The following KCND2 variants were observed in gnomAD, a reference collection of about 807,000 sequenced individuals.
KCND2 encodes A-type voltage-gated potassium channel KCND2.
A neutral mutation model predicts 54.4 loss-of-function variants in KCND2; 16 were observed. That is an observed-to-expected ratio of 0.29 (90% CI 0.20 to 0.45). KCND2 has a LOEUF of 0.45. Ranked by LOEUF, KCND2 falls within the 20% of genes least tolerant of loss-of-function variation. KCND2 has a pLI of 1.00. For missense variants in KCND2, 486 were observed against 824.2 expected (o/e 0.59, Z 5.02); for synonymous variants, 317 against 310.7 (o/e 1.02, Z -0.21).
intron 1 of KCND2, among the ~76,000 whole-genome samples, chr7:120,520,371 T>G (rs1791673771): frequency 6.6e-6 from 1 of 152,134 alleles, no homozygotes; most frequent in Admixed American, 6.6e-5. Flanking sequence ...CGATATTCAT[T>G]GACTTCTGCA....
intron 1 of KCND2, among the ~76,000 whole-genome samples, chr7:120,384,043 C>T (rs73432000): frequency 0.073 from 11,083 of 152,098 alleles, 686 homozygotes; most frequent in African/African-American, 0.16. Context: ...GCTCAGGTCC[C>T]TGATATAATA....
At chr7:120,686,431 GC>G (rs1316320797) in intron 1 of KCND2, among the ~76,000 whole-genome samples, 1 of 152,168 alleles carries the variant, frequency 6.6e-6, no homozygotes, top group Non-Finnish European at 1.5e-5. Context: ...ACTGTTAGCA[GC>G]AGCAAATCCA....
intron 1 of KCND2, among the ~76,000 whole-genome samples, chr7:120,684,622 G>C (rs1562908804): frequency 6.6e-6 from 1 of 152,046 alleles, no homozygotes; most frequent in African/African-American, 2.4e-5. Context: ...GTTTACAGCA[G>C]GGCTCCTCGA....
At chr7:120,337,012 CT>C (rs201757779) in intron 1 of KCND2, among the ~76,000 whole-genome samples, 4 of 151,026 alleles carry the variant, frequency 2.6e-5, no homozygotes, top group South Asian at 2.1e-4. Context: ...TTTTGTTTGG[CT>C]TTTTTTTTCT....
rs966476777 is a variant in KCND2, at chr7:120,678,372, T to C, written c.1116-54531T>C. On this transcript the variant is annotated intron_variant, in intron 1 of 5. Transcript: ENST00000331113. ...ATATATATATATATATATATATATA[T>C]ACGCACACACACATATATAGACACA... Among the ~76,000 whole-genome samples, 47 of 133,498 alleles carry C rather than the reference T, an allele frequency of 3.5e-4. 1 individual carries two copies. In the East Asian group the frequency reaches 5.8e-3, roughly 17 times the overall value. The allele number at this position is 133,498 out of a possible 152,430, so 87.6% of individuals were successfully genotyped here.
intron 1 of KCND2, among the ~76,000 whole-genome samples, chr7:120,450,439 A>G (rs1802085799): frequency 6.6e-6 from 1 of 152,090 alleles, no homozygotes; most frequent in Non-Finnish European, 1.5e-5. Flanking sequence ...TTTGTATTAC[A>G]TGGGGTGATG....
chr7:120,386,388 T>TC (rs1308631571), intron 1 of KCND2, among the ~76,000 whole-genome samples: 1 of 152,056 alleles, frequency 6.6e-6, no homozygotes, highest in Non-Finnish European at 1.5e-5. Flanking sequence ...TCTTGCCTCT[T>TC]CCCCCTCAAT....
intron 1 of KCND2, among the ~76,000 whole-genome samples, chr7:120,465,966 C>G (rs1802362107): frequency 6.6e-6 from 1 of 151,794 alleles, no homozygotes; most frequent in Non-Finnish European, 1.5e-5. Context: ...AGGGTAGATC[C>G]ACTAGAGAAG....
chr7:120,632,796 A>G (rs1207141655), intron 1 of KCND2, among the ~76,000 whole-genome samples: 1 of 152,174 alleles, frequency 6.6e-6, no homozygotes, highest in African/African-American at 2.4e-5. Context: ...GCTGGAGTTA[A>G]AATCTTGCTC....
intron 1 of KCND2, among the ~76,000 whole-genome samples, chr7:120,622,664 T>TACACACAC (rs138167439): frequency 6.0e-4 from 81 of 134,966 alleles, no homozygotes; most frequent in African/African-American, 1.6e-3. Flanking sequence ...TCCTTTTCCT[T>TACACACAC]ACACACACAC....
chr7:120,569,209 T>G (rs1442014799), intron 1 of KCND2, among the ~76,000 whole-genome samples: 2 of 152,096 alleles, frequency 1.3e-5, no homozygotes, highest in Non-Finnish European at 2.9e-5. Context: ...GTCATCTTCC[T>G]CGGCACAGTG....
chr7:120,422,627 C>T (rs554388428), intron 1 of KCND2, among the ~76,000 whole-genome samples: 1 of 152,316 alleles, frequency 6.6e-6, no homozygotes, highest in East Asian at 1.9e-4. Flanking sequence ...GACTCTACCT[C>T]TTCTTTCACA....
rs143786043 is a variant in KCND2 at position 120,542,008 on chromosome 7, C to T, written c.1116-190895C>T. Among the ~76,000 whole-genome samples the T allele has an allele frequency of 8.3e-3, 1,263 of 152,142 alleles. 14 individuals are homozygous for T. The highest frequency in any genetic ancestry group is 0.029 in the African/African-American group (1,200 of 41,512). On this transcript the variant is annotated intron_variant, in intron 1 of 5. Coordinates refer to ENST00000331113, the MANE Select transcript of KCND2 (RefSeq NM_012281.3). ...GTCATTTATTGATTTAATGTTTCTA[C>T]GACCTATTTTATTAAATATTTTTAA...
chr7:120,677,554 TAG>T (rs1359880122), intron 1 of KCND2, among the ~76,000 whole-genome samples: 197 of 100,594 alleles, frequency 2.0e-3, no homozygotes, highest in African/African-American at 0.011. Flanking sequence ...TATAGATATA[TAG>T]ATATATAGAT....
chr7:120,490,007 G>A (rs987995852), intron 1 of KCND2, among the ~76,000 whole-genome samples: 1 of 152,126 alleles, frequency 6.6e-6, no homozygotes, highest in Admixed American at 6.6e-5. Flanking sequence ...AAAAAAGGAA[G>A]TGTCCTCATT....
At chr7:120,744,885 T>C (rs1222906231) in intron 4 of KCND2, among the ~76,000 whole-genome samples, 1 of 152,194 alleles carries the variant, frequency 6.6e-6, no homozygotes, top group Non-Finnish European at 1.5e-5. Flanking sequence ...AAAAATGTTT[T>C]CCTTTATATT....
chr7:120,350,077 TATA>T (rs1364364693), intron 1 of KCND2, among the ~76,000 whole-genome samples: 1 of 152,124 alleles, frequency 6.6e-6, no homozygotes, highest in African/African-American at 2.4e-5. Flanking sequence ...TTTTCAGACA[TATA>T]ATAATATCAC....
rs370901048 is a variant in KCND2 at position 120,719,081 on chromosome 7, A to G, written c.1116-13822A>G. Among the ~76,000 whole-genome samples the G allele has an allele frequency of 4.6e-5, 7 of 152,176 alleles. No homozygotes were observed. The East Asian group carries it at 9.6e-4, about 21-fold the overall frequency. ...ACTAGATACGTTTTTGAGGAAGGAA[A>G]GAAGGGAGGGAGAAAGAAGAAAGAA... On this transcript the variant is annotated intron_variant, in intron 1 of 5. Transcript: ENST00000331113.
At chr7:120,706,326 C>T (rs1740339911) in intron 1 of KCND2, among the ~76,000 whole-genome samples, 1 of 152,096 alleles carries the variant, frequency 6.6e-6, no homozygotes, top group Non-Finnish European at 1.5e-5. Context: ...AACAGAATAT[C>T]ACAGACTGGG....
Sources: allele counts gnomAD v4.1 joint callset (sites outside exome capture counted in the v4.1 genomes callset), GRCh38; gene constraint gnomAD v4.1.1; transcripts MANE v1.5; gene names NCBI Gene and HGNC (gene_info 2026-07-23, HGNC 2026-07-21).